Variants in BTRC observed in about 807,000 individuals in gnomAD.
The protein encoded by BTRC is beta-transducin repeat containing E3 ubiquitin protein ligase, also known as F-box/WD repeat-containing protein 1A.
BTRC carries 42 observed loss-of-function variants against 85.5 expected under a neutral mutation model. The observed-to-expected ratio is 0.49, with a 90% confidence interval of 0.38 to 0.64. The LOEUF (loss-of-function observed/expected upper bound fraction) is 0.64. Among genes scored for constraint, BTRC ranks in the 30% least tolerant of loss-of-function variants. The pLI is 0.00. For synonymous variants in BTRC, 255 were observed against 263.3 expected (o/e 0.97, Z 0.30); for missense variants, 594 against 743.5 (o/e 0.80, Z 2.34).
At chr10:101,531,648 G>T (rs2062282689) in intron 7 of BTRC, among the ~76,000 whole-genome samples, 1 of 152,028 alleles carries the variant, frequency 6.6e-6, no homozygotes, top group South Asian at 2.1e-4. Context: ...TTGAACCTGG[G>T]AGGCACATGT....
chr10:101,438,880 C>T (rs1349270166), intron 2 of BTRC, among the ~76,000 whole-genome samples: 1 of 152,112 alleles, frequency 6.6e-6, no homozygotes. Context: ...TGACCAAAAT[C>T]TCTTTTGTAT....
At chr10:101,459,449 G>C (rs189037507) in intron 2 of BTRC, among the ~76,000 whole-genome samples, 122 of 152,222 alleles carry the variant, frequency 8.0e-4, no homozygotes, top group Non-Finnish European at 1.3e-3. Context: ...TATCATGACT[G>C]TTTAATGTCC....
At chr10:101,539,710 CA>C (rs1263725836) in intron 13 of BTRC, among the ~76,000 whole-genome samples, 1 of 152,172 alleles carries the variant, frequency 6.6e-6, no homozygotes, top group Non-Finnish European at 1.5e-5. Flanking sequence ...ATGACTAGGT[CA>C]TATGGTAAGT....
At chr10:101,511,995 T>C (rs1394026949) in intron 4 of BTRC, among the ~76,000 whole-genome samples, 1 of 152,202 alleles carries the variant, frequency 6.6e-6, no homozygotes, top group Non-Finnish European at 1.5e-5. Context: ...TCACAATCCT[T>C]ACTGGTTTGT....
At chr10:101,475,278 G>A (rs970070874) in intron 3 of BTRC, among the ~76,000 whole-genome samples, 5 of 152,126 alleles carry the variant, frequency 3.3e-5, no homozygotes, top group Admixed American at 1.3e-4. Flanking sequence ...GGTGGCTCAC[G>A]CCTGCAATCC....
chr10:101,404,131 C>T (rs1271169065), intron 1 of BTRC, among the ~76,000 whole-genome samples: 4 of 144,966 alleles, frequency 2.8e-5, no homozygotes, highest in Middle Eastern at 8.1e-3. Context: ...ACCGGGTTCA[C>T]GCCATTCTCC....
chr10:101,460,591 C>T (rs763901498), intron 2 of BTRC, among the ~76,000 whole-genome samples: 1 of 152,182 alleles, frequency 6.6e-6, no homozygotes, highest in Admixed American at 6.5e-5. Context: ...CATTAGGGTA[C>T]TGGCCTGTCA....
intron 3 of BTRC, among the ~76,000 whole-genome samples, chr10:101,471,435 A>T (rs1423869864): frequency 6.6e-6 from 1 of 152,136 alleles, no homozygotes; most frequent in Non-Finnish European, 1.5e-5. Context: ...TTCATCTGAG[A>T]TATATAGGAT....
chr10:101,513,975 A>C (rs1285428772), intron 4 of BTRC, among the ~76,000 whole-genome samples: 1 of 152,172 alleles, frequency 6.6e-6, no homozygotes, highest in Non-Finnish European at 1.5e-5. Flanking sequence ...CATTCTAATA[A>C]GTGTGTCATA....
chr10:101,504,611 C>T (rs1946472329), intron 4 of BTRC, among the ~76,000 whole-genome samples: 1 of 151,950 alleles, frequency 6.6e-6, no homozygotes, highest in Admixed American at 6.6e-5. Flanking sequence ...CCTCTTCTAC[C>T]CTCTTCTCTA....
At chr10:101,513,988 G>A (rs1035711840) in intron 4 of BTRC, among the ~76,000 whole-genome samples, 1 of 152,162 alleles carries the variant, frequency 6.6e-6, no homozygotes, top group Non-Finnish European at 1.5e-5. Flanking sequence ...GTGTCATAAT[G>A]TCTTGATATT....
intron 4 of BTRC, among the ~76,000 whole-genome samples, chr10:101,510,519 C>CAA (rs71305543): frequency 7.4e-4 from 104 of 141,210 alleles, no homozygotes; most frequent in Non-Finnish European, 1.3e-3. Flanking sequence ...TAAAAAAAAA[C>CAA]AAAAAAAAAA....
chr10:101,358,947 G>A (rs924986636), intron 1 of BTRC, among the ~76,000 whole-genome samples: 3 of 152,178 alleles, frequency 2.0e-5, no homozygotes, highest in Admixed American at 6.5e-5. Flanking sequence ...ACTTGCTACC[G>A]TAGGTGCTAT....
At position 101,554,870 on chromosome 10, in the gene BTRC, C is replaced by G. The variant is rs1173425524; in HGVS notation, c.*1747C>G. ...CCCAGGCAAGAAGGTATCCTCTTCCCAAGGTGTACCCACTGAATGTTGTTA... is the reference window on the plus strand; with the variant it reads ...CCCAGGCAAGAAGGTATCCTCTTCCGAAGGTGTACCCACTGAATGTTGTTA... On this transcript the variant is annotated 3_prime_UTR_variant, in exon 15 of 15. Transcript: ENST00000370187. 2 of 152,234 alleles carry G rather than the reference C, an allele frequency of 1.3e-5. No homozygotes were observed. Among genetic ancestry groups the G allele is most frequent in the African/African-American group, 4.8e-5 (2 of 41,458 alleles). 9.4% of individuals were successfully genotyped at this position (152,234 alleles called of 1,614,324 possible).
chr10:101,420,386 A>C (rs150431167), intron 1 of BTRC, among the ~76,000 whole-genome samples: 196 of 152,120 alleles, frequency 1.3e-3, no homozygotes, highest in Non-Finnish European at 2.3e-3. Context: ...GACAGCTTGC[A>C]CTTGGCTGCC....
chr10:101,424,225 ACT>A (rs1444511769), intron 1 of BTRC, among the ~76,000 whole-genome samples: 1 of 151,644 alleles, frequency 6.6e-6, no homozygotes, highest in Non-Finnish European at 1.5e-5. Context: ...CAAAAGTAAA[ACT>A]CTGTCTCAAA....
chr10:101,463,552 G>C (rs1024700128), intron 3 of BTRC, among the ~76,000 whole-genome samples: 1 of 152,050 alleles, frequency 6.6e-6, no homozygotes, highest in Non-Finnish European at 1.5e-5. Context: ...AATTTACTTG[G>C]ATTTATAGCA....
chr10:101,443,990 C>T (rs1944759571), intron 2 of BTRC, among the ~76,000 whole-genome samples: 1 of 150,948 alleles, frequency 6.6e-6, no homozygotes, highest in African/African-American at 2.4e-5. Context: ...ACTTATATAC[C>T]AGTCACTGTG....
intron 13 of BTRC, among the ~76,000 whole-genome samples, chr10:101,540,654 G>C (rs1040802823): frequency 2.0e-5 from 3 of 152,130 alleles, no homozygotes; most frequent in Non-Finnish European, 4.4e-5. Context: ...TGCTGGGAAT[G>C]TTTTTTAATT....
Sources: gnomAD v4.1 joint callset for allele counts (sites outside exome capture counted in the v4.1 genomes callset) on GRCh38, gnomAD v4.1.1 for gene constraint, MANE v1.5 for transcripts, NCBI Gene and HGNC (gene_info 2026-07-23, HGNC 2026-07-21) for gene names.